Variants in ARHGAP10 observed in about 807,000 individuals in gnomAD.
ARHGAP10 encodes rho GTPase-activating protein 10.
ARHGAP10 carries 87 observed loss-of-function variants against 108.6 expected under a neutral mutation model. The observed-to-expected ratio is 0.80, with a 90% CI of 0.67 to 0.96. ARHGAP10 has a LOEUF of 0.96. Among genes scored for constraint, ARHGAP10 ranks in the 40% least tolerant of loss-of-function variants. ARHGAP10 has a pLI of 0.00. For synonymous variants in ARHGAP10, 347 were observed against 341.1 expected, an observed-to-expected ratio of 1.02 and a Z score of -0.19; for missense variants, 939 against 954.5, an observed-to-expected ratio of 0.98 and a Z score of 0.21.
At chr4:147,777,281 CGG>C (rs1339855629) in intron 1 of ARHGAP10, among the ~76,000 whole-genome samples, 2 of 143,682 alleles carry the variant, frequency 1.4e-5, no homozygotes, top group Non-Finnish European at 3.0e-5. Context: ...TTTTTTTAGA[CGG>C]AGTCTCACTC....
chr4:148,015,444 T>C (rs980163739), intron 18 of ARHGAP10, among the ~76,000 whole-genome samples: 1 of 152,188 alleles, frequency 6.6e-6, no homozygotes, highest in African/African-American at 2.4e-5. Flanking sequence ...ACTAGGATAC[T>C]TTCCAGCTCC....
intron 18 of ARHGAP10, among the ~76,000 whole-genome samples, chr4:147,995,214 A>G (rs1740425335): frequency 6.6e-6 from 1 of 152,214 alleles, no homozygotes; most frequent in Admixed American, 6.5e-5. Context: ...TAGGTCAGTG[A>G]TAACCAGTTT....
intron 1 of ARHGAP10, among the ~76,000 whole-genome samples, chr4:147,776,849 C>T (rs557131352): frequency 4.2e-4 from 64 of 152,292 alleles, no homozygotes; most frequent in African/African-American, 1.5e-3. Flanking sequence ...AAATGCAGTT[C>T]GTCCAGATGC....
intron 3 of ARHGAP10, 51 bp from the exon 4 acceptor site, chr4:147,847,098 TCC>T: frequency 1.4e-6 from 2 of 1,460,128 alleles, no homozygotes; most frequent in Admixed American, 1.9e-5. Context: ...ACTAATTTTT[TCC>T]TTTTTGGAAA....
intron 20 of ARHGAP10, among the ~76,000 whole-genome samples, chr4:148,058,259 C>T (rs1338049202): frequency 1.3e-5 from 2 of 152,100 alleles, no homozygotes; most frequent in Non-Finnish European, 2.9e-5. Context: ...TGCTCAGAGA[C>T]CTGGCAAATG....
At chr4:148,036,064 CTCTGTG>C (rs1461097483) in intron 19 of ARHGAP10, among the ~76,000 whole-genome samples, 1 of 131,978 alleles carries the variant, frequency 7.6e-6, no homozygotes. Context: ...AAGGAGCTGC[CTCTGTG>C]TGTGTGTGTG....
chr4:148,041,574 A>T (rs1394719349), intron 19 of ARHGAP10, among the ~76,000 whole-genome samples: 1 of 152,214 alleles, frequency 6.6e-6, no homozygotes, highest in Non-Finnish European at 1.5e-5. Context: ...AGATATAAAC[A>T]TCCTCTAAAT....
chr4:148,054,984 A>C (rs1729299949), intron 20 of ARHGAP10, among the ~76,000 whole-genome samples: 1 of 152,116 alleles, frequency 6.6e-6, no homozygotes, highest in Non-Finnish European at 1.5e-5. Context: ...TAACCTTCAG[A>C]CCTCGAATGC....
In ARHGAP10 at chr4:147,788,496, A is replaced by G. The variant is rs200468797; in HGVS notation, c.155-34231A>G. 2.1e-4 allele frequency among the ~76,000 whole-genome samples: 32 copies of G among 152,254 alleles called. No individual in the cohort carries two copies. In the East Asian group the frequency reaches 5.6e-3, roughly 27 times the overall value. On this transcript the variant is annotated intron_variant, in intron 1 of 22. Transcript: ENST00000336498. ...GAGGTCCAGTGAAGGTATGAAGGAA[A>G]ACTTGTGAAAGCACTTTTGTTTGTC... is the stretch of plus-strand genomic sequence containing the variant.
intron 10 of ARHGAP10, among the ~76,000 whole-genome samples, chr4:147,901,020 C>T (rs1000146144): frequency 1.3e-5 from 2 of 152,166 alleles, no homozygotes; most frequent in African/African-American, 2.4e-5. Flanking sequence ...ATTTCCTTTA[C>T]ATCCATTAAA....
intron 1 of ARHGAP10, among the ~76,000 whole-genome samples, chr4:147,783,281 T>C (rs1392178463): frequency 6.9e-6 from 1 of 144,710 alleles, no homozygotes; most frequent in Non-Finnish European, 1.5e-5. Context: ...ATAACACACA[T>C]TAAATTATGT....
intron 15 of ARHGAP10, among the ~76,000 whole-genome samples, chr4:147,951,374 TTCTC>T (rs1200099137): frequency 6.6e-6 from 1 of 150,630 alleles, no homozygotes; most frequent in Non-Finnish European, 1.5e-5. Flanking sequence ...TGGCCCTTCT[TTCTC>T]CTTATTTAGG....
chr4:147,911,188 T>C (rs1476196946), intron 12 of ARHGAP10, among the ~76,000 whole-genome samples: 1 of 97,566 alleles, frequency 1.0e-5, no homozygotes, highest in Non-Finnish European at 2.8e-5. Flanking sequence ...AGTGAATTCT[T>C]GAGCAGAAAA....
intron 1 of ARHGAP10, among the ~76,000 whole-genome samples, chr4:147,770,030 C>T (rs1730008461): frequency 6.6e-6 from 1 of 152,206 alleles, no homozygotes; most frequent in Admixed American, 6.5e-5. Context: ...AAAAAGTTTT[C>T]TGGGGCTGTC....
At chr4:148,048,509 C>G (rs1417447027) in intron 20 of ARHGAP10, among the ~76,000 whole-genome samples, 1 of 152,162 alleles carries the variant, frequency 6.6e-6, no homozygotes, top group Non-Finnish European at 1.5e-5. Context: ...CACCTTTACT[C>G]TTCCTTTTCC....
intron 10 of ARHGAP10, among the ~76,000 whole-genome samples, chr4:147,890,388 A>G (rs896363421): frequency 1.3e-5 from 2 of 152,226 alleles, no homozygotes; most frequent in Non-Finnish European, 2.9e-5. Flanking sequence ...AAGAGACACC[A>G]TTTAAGACCA....
intron 20 of ARHGAP10, among the ~76,000 whole-genome samples, chr4:148,055,016 G>T (rs1000475878): frequency 6.6e-6 from 1 of 152,204 alleles, no homozygotes; most frequent in Non-Finnish European, 1.5e-5. Flanking sequence ...CTGAAATGAA[G>T]TTACAGTTCC....
intron 1 of ARHGAP10, among the ~76,000 whole-genome samples, chr4:147,757,717 C>T (rs1423841996): frequency 1.3e-5 from 2 of 152,242 alleles, no homozygotes; most frequent in East Asian, 1.9e-4. Flanking sequence ...CACCTGGGTA[C>T]TTAACCTGTT....
At chr4:148,000,316 C>T (rs188135514) in intron 18 of ARHGAP10, among the ~76,000 whole-genome samples, 244 of 152,260 alleles carry the variant, frequency 1.6e-3, no homozygotes, top group African/African-American at 5.7e-3. Flanking sequence ...TTTCTTAATC[C>T]AGTCTATCAT....
Sources: allele counts gnomAD v4.1 joint callset (sites outside exome capture counted in the v4.1 genomes callset), GRCh38; gene constraint gnomAD v4.1.1; transcripts MANE v1.5; gene names NCBI Gene and HGNC (gene_info 2026-07-23, HGNC 2026-07-21).